The following MYH11 variants were observed in gnomAD, a reference collection of about 807,000 sequenced individuals.
MYH11 encodes myosin heavy chain 11.
A neutral mutation model predicts 246.6 loss-of-function variants in MYH11; 80 were observed. The ratio of observed to expected loss-of-function variants is 0.32; its 90% confidence interval spans 0.27 to 0.39. The LOEUF (loss-of-function observed/expected upper bound fraction) is 0.39, where lower values mean the gene tolerates loss of function less well. Among genes scored for constraint, MYH11 ranks in the 10% least tolerant of loss-of-function variants. MYH11 has a pLI of 1.00. For missense variants in MYH11, 2,158 were observed against 2,546.8 expected (o/e 0.85, Z 3.29); for synonymous variants, 1,071 against 1,015.5 (o/e 1.05, Z -1.04).
At chr16:15,722,077 C>T (rs774477271) in intron 31 of MYH11, among the ~76,000 whole-genome samples, 2 of 151,966 alleles carry the variant, frequency 1.3e-5, no homozygotes, top group East Asian at 1.9e-4. Context: ...AGGCTGGTCT[C>T]GAACTCCTGA....
At chr16:15,752,529 C>T (rs1464002693) in intron 15 of MYH11, among the ~76,000 whole-genome samples, 1 of 152,102 alleles carries the variant, frequency 6.6e-6, no homozygotes, top group African/African-American at 2.4e-5. Flanking sequence ...CATCCCTGGC[C>T]CCAGACCTGC....
intron 1 of MYH11, among the ~76,000 whole-genome samples, chr16:15,850,223 A>G (rs2044296017): frequency 6.6e-6 from 1 of 151,818 alleles, no homozygotes; most frequent in Admixed American, 6.5e-5. Context: ...CGTCTCTACT[A>G]AAAATACAAA....
At chr16:15,818,676 T>G (rs2043323730) in intron 3 of MYH11, among the ~76,000 whole-genome samples, 1 of 151,926 alleles carries the variant, frequency 6.6e-6, no homozygotes, top group Non-Finnish European at 1.5e-5. Flanking sequence ...GATCTCATGA[T>G]CCCCCCACCT....
intron 1 of MYH11, among the ~76,000 whole-genome samples, chr16:15,853,903 A>C (rs1260502031): frequency 6.6e-6 from 1 of 152,106 alleles, no homozygotes; most frequent in Non-Finnish European, 1.5e-5. Context: ...GGGCGCCTAT[A>C]AACCCAGCTA....
chr16:15,761,975 T>C (rs2041877722), intron 10 of MYH11, among the ~76,000 whole-genome samples: 1 of 152,170 alleles, frequency 6.6e-6, no homozygotes, highest in African/African-American at 2.4e-5. Flanking sequence ...TAGTTTATAG[T>C]TTATTTTTTA....
At chr16:15,767,802 G>A (rs2042016092) in intron 9 of MYH11, among the ~76,000 whole-genome samples, 1 of 152,002 alleles carries the variant, frequency 6.6e-6, no homozygotes, top group African/African-American at 2.4e-5. Flanking sequence ...GCAGAGACTG[G>A]AGTGAGACAA....
intron 7 of MYH11, among the ~76,000 whole-genome samples, chr16:15,777,097 G>GCAGACATACACACACA (rs750248562): frequency 8.2e-5 from 12 of 145,550 alleles, no homozygotes; most frequent in Admixed American, 3.4e-4. Context: ...GTATACACAC[G>GCAGACATACACACACA]CACACATACA....
chr16:15,791,798 C>T (rs1343923860), intron 4 of MYH11: 1 of 151,868 alleles, frequency 6.6e-6, no homozygotes, highest in Non-Finnish European at 1.5e-5. Flanking sequence ...CCCAATCTCC[C>T]AGGTAGCTGG....
chr16:15,815,043 G>C (rs1043377514), intron 3 of MYH11, among the ~76,000 whole-genome samples: 3 of 152,198 alleles, frequency 2.0e-5, no homozygotes, highest in Admixed American at 6.5e-5. Context: ...TGAAGAATCA[G>C]ATTAGCCCAT....
At chr16:15,715,141 G>A in intron 39 of MYH11, 23 bp downstream of exon 39, 1 of 1,612,996 alleles carries the variant, frequency 6.2e-7, no homozygotes. Context: ...GGGGCTCGAG[G>A]GAGGCTGGGT....
chr16:15,718,067 G>A (rs1411141236), intron 37 of MYH11: 5 of 593,134 alleles, frequency 8.4e-6, no homozygotes, highest in Non-Finnish European at 1.2e-5. Flanking sequence ...ATGGCCGTGA[G>A]GTACGGGGAG....
Position 15,735,534 on chromosome 16 carries a change from A to G in MYH11, c.3338T>C (p.Ile1113Thr), listed in dbSNP as rs2151241070. 6.2e-7 allele frequency: 1 copy of G among 1,614,114 alleles called. No homozygotes were observed. The highest frequency in any genetic ancestry group is 8.5e-7 in the Non-Finnish European group (1 of 1,180,032). Reference protein sequence around the residue: ...IAQKNNALKKIRELEGHISDL... With the variant: ...IAQKNNALKKTRELEGHISDL... ...TGAGATGTGGCCCTCCAGCTCCCGG[A>G]TCTTCTTCAGGGCATTGTTCTTCTG... The change falls in exon 26 of 41, where the codon ATC becomes ACC. Residue 1113 changes from isoleucine (I) to threonine (T), a missense_variant. Ile to Thr is a moderately conservative substitution (Grantham distance 89). Transcript: ENST00000300036.
chr16:15,745,172 T>G lies in MYH11; in HGVS notation c.2477A>C (p.Tyr826Ser). The change falls in exon 20 of 41, where the codon TAC becomes TCC. Residue 826 changes from tyrosine to serine, a missense_variant. Physicochemically the swap from Tyr to Ser is moderately radical, Grantham distance 144 (BLOSUM62 -2). Around this residue, in one of 11 missense-constraint regions of MYH11, gnomAD observed 90 missense variants for 144.2 expected, o/e 0.62. Transcript: ENST00000300036. ...MKVIQRNCAA[Y>S]LKLRNWQWWR... is the part of the protein sequence containing the mutation. ...CCACTGCCAGTTCCGCAGCTTGAGGTAGGCGGCGCAGTTCCTCTGAATCAC... is the reference window on the plus strand; with the variant it reads ...CCACTGCCAGTTCCGCAGCTTGAGGGAGGCGGCGCAGTTCCTCTGAATCAC... The G allele has an allele frequency of 6.2e-7, 1 of 1,614,074 alleles. No homozygotes were observed. The highest frequency in any genetic ancestry group is 8.5e-7 in the Non-Finnish European group (1 of 1,180,002).
intron 2 of MYH11, 64 bp from the exon 3 acceptor site, chr16:15,823,475 A>T: frequency 6.3e-7 from 1 of 1,594,976 alleles, no homozygotes; most frequent in East Asian, 2.2e-5. Flanking sequence ...GCACAGAAGC[A>T]CTCAATATTC....
intron 28 of MYH11, 124 bp downstream of exon 28, chr16:15,726,724 C>T (rs1041208425): frequency 8.8e-6 from 10 of 1,139,554 alleles, no homozygotes; most frequent in African/African-American, 3.1e-5. Flanking sequence ...CCTCCAGGAA[C>T]GCAACTAGAG....
chr16:15,843,775 C>T (rs1013816685), intron 1 of MYH11, among the ~76,000 whole-genome samples: 1 of 151,932 alleles, frequency 6.6e-6, no homozygotes, highest in South Asian at 2.1e-4. Flanking sequence ...ATTGCTAAAA[C>T]CATTAGGCCA....
chr16:15,843,083 T>C (rs963380514), intron 1 of MYH11, among the ~76,000 whole-genome samples: 1 of 152,004 alleles, frequency 6.6e-6, no homozygotes, highest in Non-Finnish European at 1.5e-5. Flanking sequence ...TAATAGTGGG[T>C]CTCAAGCTGG....
chr16:15,828,301 T>C (rs2043625533), intron 2 of MYH11, among the ~76,000 whole-genome samples: 1 of 152,190 alleles, frequency 6.6e-6, no homozygotes, highest in African/African-American at 2.4e-5. Context: ...CAATGTTATT[T>C]AGTGACTCTT....
chr16:15,803,049 A>T (rs550968878), intron 3 of MYH11, among the ~76,000 whole-genome samples: 31 of 151,898 alleles, frequency 2.0e-4, no homozygotes, highest in African/African-American at 7.5e-4. Flanking sequence ...AGGCAGGAGA[A>T]TCACTTGAAC....
Sources: allele counts gnomAD v4.1 joint callset (sites outside exome capture counted in the v4.1 genomes callset), GRCh38; gene constraint gnomAD v4.1.1; regional missense constraint gnomAD v4.1.1; transcripts MANE v1.5; gene names NCBI Gene and HGNC (gene_info 2026-07-23, HGNC 2026-07-21).